The following UNC13C variants were observed in gnomAD, a reference collection of about 807,000 sequenced individuals.
The protein encoded by UNC13C is unc-13 homolog C.
UNC13C carries 174 observed loss-of-function variants against 245.4 expected under a neutral mutation model. The ratio of observed to expected loss-of-function variants is 0.71; its 90% confidence interval spans 0.63 to 0.80. The LOEUF (loss-of-function observed/expected upper bound fraction) is 0.80, where lower values mean the gene tolerates loss of function less well. Ranked by LOEUF, UNC13C falls within the 30% of genes least tolerant of loss-of-function variation. UNC13C has a pLI of 0.00. For synonymous variants in UNC13C, 992 were observed against 895.1 expected (o/e 1.11, Z -1.93); for missense variants, 2,829 against 2,602.9 (o/e 1.09, Z -1.89).
At chr15:54,626,515 C>T (rs1901160462) in intron 32 of UNC13C, among the ~76,000 whole-genome samples, 1 of 152,056 alleles carries the variant, frequency 6.6e-6, no homozygotes. Context: ...AAGAGGTACC[C>T]ATTACCCTGG....
At chr15:53,954,574 G>T in the UNC13C span, among the ~76,000 whole-genome samples, 23 of 152,276 alleles carry the variant, frequency 1.5e-4, no homozygotes, top group Middle Eastern at 0.01. Context: ...TCCAACATTA[G>T]ATGTCACCGT....
chr15:54,242,801 A>G (rs925399112), intron 7 of UNC13C, among the ~76,000 whole-genome samples: 1 of 152,246 alleles, frequency 6.6e-6, no homozygotes, highest in African/African-American at 2.4e-5. Context: ...GCATAAGTAC[A>G]TACTAAAAGT....
intron 10 of UNC13C, among the ~76,000 whole-genome samples, chr15:54,272,503 G>C (rs1398059104): frequency 1.3e-5 from 2 of 152,146 alleles, no homozygotes; most frequent in African/African-American, 4.8e-5. Flanking sequence ...AGTTGTCTGA[G>C]CCATTTTACA....
chr15:54,165,939 C>G (rs901323918), intron 4 of UNC13C, among the ~76,000 whole-genome samples: 1 of 151,820 alleles, frequency 6.6e-6, no homozygotes, highest in Non-Finnish European at 1.5e-5. Flanking sequence ...CAGGTGAATT[C>G]AAAATGTTTT....
At chr15:54,561,981 C>T (rs1209817564) in intron 29 of UNC13C, among the ~76,000 whole-genome samples, 1 of 151,874 alleles carries the variant, frequency 6.6e-6, no homozygotes, top group Non-Finnish European at 1.5e-5. Flanking sequence ...TCAGAGATTT[C>T]AGCCCCAGCG....
chr15:54,008,916 G>A (rs1895258695), intron 1 of UNC13C, among the ~76,000 whole-genome samples: 1 of 151,992 alleles, frequency 6.6e-6, no homozygotes. Context: ...TCATATAATA[G>A]GCATAATAAT....
intron 17 of UNC13C, among the ~76,000 whole-genome samples, chr15:54,371,865 T>G (rs1307512335): frequency 5.3e-5 from 8 of 152,088 alleles, no homozygotes; most frequent in African/African-American, 1.9e-4. Context: ...CACTGCATGA[T>G]CTCACATATT....
the UNC13C span, among the ~76,000 whole-genome samples, chr15:53,871,910 G>C: frequency 6.6e-6 from 1 of 152,176 alleles, no homozygotes; most frequent in Non-Finnish European, 1.5e-5. Flanking sequence ...ACAAAAGAAA[G>C]TTGTGCAGGA....
chr15:53,915,123 A>C, the UNC13C span, among the ~76,000 whole-genome samples: 2 of 151,712 alleles, frequency 1.3e-5, no homozygotes, highest in African/African-American at 4.8e-5. Flanking sequence ...TCACACACTC[A>C]CTCCATAAGG....
intron 19 of UNC13C, among the ~76,000 whole-genome samples, chr15:54,430,005 A>G (rs1202467696): frequency 1.3e-5 from 2 of 151,630 alleles, no homozygotes; most frequent in African/African-American, 4.8e-5. Flanking sequence ...TAATATGCCA[A>G]TTTGAGGGTG....
At chr15:54,264,119 A>G (rs755133124) in intron 8 of UNC13C, 49 bp from the exon 9 acceptor site, 2 of 1,530,156 alleles carry the variant, frequency 1.3e-6, no homozygotes, top group Non-Finnish European at 1.8e-6. Context: ...TTAGCCATCA[A>G]AAAGTAATGG....
At chr15:54,566,518 T>G (rs9920565) in intron 29 of UNC13C, among the ~76,000 whole-genome samples, 3,730 of 152,190 alleles carry the variant, frequency 0.025, 148 homozygotes, top group African/African-American at 0.082. Context: ...ACAGAGCACC[T>G]AGCTAGAATC....
Position 54,237,688 on chromosome 15 carries a change from C to G in UNC13C, c.3226C>G (p.Leu1076Val). ...VIRTSLNNEE[L>V]KMHVFKKTLQ... is the part of the protein sequence containing the mutation. ...TAGGACATCCCTAAATAATGAGGAA[C>G]TGGTAAGTACTAGATATTGCTCATA... The change falls in exon 7 of 33, where the codon CTG becomes GTG. Residue 1076 changes from leucine to valine, a missense_variant and splice_region_variant. Leu to Val is a conservative substitution (Grantham distance 32). Transcript: ENST00000260323. 1.2e-6 allele frequency: 2 copies of G among 1,606,634 alleles called. No homozygotes were observed. Among genetic ancestry groups the G allele is most frequent in the Non-Finnish European group, 1.7e-6 (2 of 1,175,600 alleles).
intron 19 of UNC13C, among the ~76,000 whole-genome samples, chr15:54,442,337 C>T (rs1890575607): frequency 6.6e-6 from 1 of 150,908 alleles, no homozygotes; most frequent in African/African-American, 2.4e-5. Context: ...ATTCTTCTGC[C>T]TCAGCCTCCT....
the UNC13C span, among the ~76,000 whole-genome samples, chr15:53,888,288 A>G: frequency 6.6e-6 from 1 of 151,976 alleles, no homozygotes; most frequent in Non-Finnish European, 1.5e-5. Context: ...TTTGATTTGC[A>G]TTTCTCTAAT....
rs139471355 is a variant in UNC13C at position 54,557,567 on chromosome 15, A to T, written c.5958+2055A>T. Among the ~76,000 whole-genome samples, 488 of 151,814 alleles carry T rather than the reference A, an allele frequency of 3.2e-3. 6 individuals are homozygous for T. The highest frequency in any genetic ancestry group is 0.011 in the African/African-American group (455 of 41,440). On this transcript the variant is annotated intron_variant, in intron 29 of 32. Transcript: ENST00000260323. ...TTTAACTCCAAGAACTAAAGATTCAATGTCTCCCCGGAGCCCAGCCAAAGG... is the reference window on the plus strand; with the variant it reads ...TTTAACTCCAAGAACTAAAGATTCATTGTCTCCCCGGAGCCCAGCCAAAGG...
chr15:53,938,808 G>A, the UNC13C span, among the ~76,000 whole-genome samples: 522 of 152,216 alleles, frequency 3.4e-3, 5 homozygotes, highest in African/African-American at 0.012. Context: ...TTGTACTAAT[G>A]AGAGCAAAGA....
intron 16 of UNC13C, among the ~76,000 whole-genome samples, chr15:54,334,246 T>TTA (rs771148233): frequency 6.2e-4 from 94 of 152,274 alleles, no homozygotes; most frequent in Non-Finnish European, 1.0e-3. Flanking sequence ...TCTTTTAAGT[T>TTA]TACCCCAATT....
At chr15:54,556,561 C>T (rs1374984626) in intron 29 of UNC13C, among the ~76,000 whole-genome samples, 1 of 151,468 alleles carries the variant, frequency 6.6e-6, no homozygotes, top group African/African-American at 2.4e-5. Context: ...AAGAGGTAGC[C>T]AAAATGTTGT....
Sources: gnomAD v4.1 joint callset for allele counts (sites outside exome capture counted in the v4.1 genomes callset) on GRCh38, gnomAD v4.1.1 for gene constraint, MANE v1.5 for transcripts, NCBI Gene and HGNC (gene_info 2026-07-23, HGNC 2026-07-21) for gene names.